MARCHF11: variants seen among roughly 807,000 people sequenced by gnomAD.
MARCHF11 encodes the protein E3 ubiquitin-protein ligase MARCHF11.
In MARCHF11, 29 loss-of-function variants were observed where a neutral mutation model predicts 37.3. The observed-to-expected ratio is 0.78, with a 90% CI of 0.58 to 1.06. The LOEUF (loss-of-function observed/expected upper bound fraction) is 1.06. Among genes scored for constraint, MARCHF11 ranks in the 50% least tolerant of loss-of-function variants. The pLI, the probability that MARCHF11 is intolerant of heterozygous loss-of-function variation, is 0.00. For synonymous variants in MARCHF11, 233 were observed against 228.0 expected (o/e 1.02, Z -0.20); for missense variants, 482 against 533.4 (o/e 0.90, Z 0.95).
chr5:16,123,226 G>C (rs778811807), intron 2 of MARCHF11, among the ~76,000 whole-genome samples: 5 of 152,146 alleles, frequency 3.3e-5, no homozygotes, highest in Non-Finnish European at 7.3e-5. Flanking sequence ...TTTGGAGATA[G>C]GGTGTTTGCA....
At chr5:16,169,032 A>G (rs1241037609) in intron 2 of MARCHF11, among the ~76,000 whole-genome samples, 2 of 152,052 alleles carry the variant, frequency 1.3e-5, no homozygotes, top group Non-Finnish European at 2.9e-5. Flanking sequence ...ATCCCCTCAC[A>G]TTGTGTGAAA....
At chr5:16,088,156 C>T (rs1185591292) in intron 3 of MARCHF11, among the ~76,000 whole-genome samples, 2 of 152,278 alleles carry the variant, frequency 1.3e-5, no homozygotes, top group East Asian at 1.9e-4. Context: ...TTGGCTATTG[C>T]TTCCCCATGA....
Position 16,126,773 on chromosome 5 carries a change from A to C in MARCHF11, c.694-35692T>G, listed in dbSNP as rs549601500. ...TGCTGACATGAAATCAGTTCACCCT[A>C]TGAACTACTCACCATAATAAAATTC... On this transcript the variant is annotated intron_variant, in intron 2 of 3. Coordinates refer to ENST00000332432, the MANE Select transcript of MARCHF11 (RefSeq NM_001102562.3). 1.9e-4 allele frequency among the ~76,000 whole-genome samples: 29 copies of C among 152,326 alleles called. No homozygotes were observed. The South Asian group carries it at 6.0e-3, about 32-fold the overall frequency.
chr5:16,176,867 T>C (rs1337843180), intron 2 of MARCHF11, among the ~76,000 whole-genome samples: 2 of 152,164 alleles, frequency 1.3e-5, no homozygotes, highest in Non-Finnish European at 2.9e-5. Context: ...ATTACTCCTT[T>C]GTCTCTGTTT....
At chr5:16,159,347 C>G (rs1031973493) in intron 2 of MARCHF11, among the ~76,000 whole-genome samples, 1 of 151,946 alleles carries the variant, frequency 6.6e-6, no homozygotes, top group Admixed American at 6.6e-5. Context: ...GCATAGCATT[C>G]CTTCTACCTT....
rs1736913149 is a variant in MARCHF11 at position 16,098,922 on chromosome 5, C to G, written c.694-7841G>C. The stretch of plus-strand genomic sequence containing the variant: ...ACTAATTTTTTAAAAAGATAATCTA[C>G]AAACTGTTGTTAGATAAAATTCAAA... On this transcript the variant is annotated intron_variant, in intron 2 of 3. Coordinates refer to ENST00000332432, the MANE Select transcript of MARCHF11 (RefSeq NM_001102562.3). 2.6e-5 allele frequency among the ~76,000 whole-genome samples: 4 copies of G among 152,014 alleles called. No homozygotes were observed. The South Asian group carries it at 8.3e-4, about 32-fold the overall frequency.
At chr5:16,145,644 G>A (rs1737784461) in intron 2 of MARCHF11, among the ~76,000 whole-genome samples, 1 of 152,112 alleles carries the variant, frequency 6.6e-6, no homozygotes, top group African/African-American at 2.4e-5. Context: ...TAGGACACAT[G>A]TGTTGAAAAG....
chr5:16,109,476 G>A (rs771397292), intron 2 of MARCHF11, among the ~76,000 whole-genome samples: 40 of 152,242 alleles, frequency 2.6e-4, no homozygotes, highest in Non-Finnish European at 5.0e-4. Context: ...GGAGCTGCCC[G>A]GAGGATGGTG....
intron 2 of MARCHF11, among the ~76,000 whole-genome samples, chr5:16,135,237 G>C (rs778686778): frequency 6.6e-6 from 1 of 152,118 alleles, no homozygotes; most frequent in Non-Finnish European, 1.5e-5. Context: ...AGATTCAAAA[G>C]GGGCCCCTGC....
intron 2 of MARCHF11, among the ~76,000 whole-genome samples, chr5:16,136,166 T>C (rs573044786): frequency 6.6e-6 from 1 of 152,124 alleles, no homozygotes; most frequent in African/African-American, 2.4e-5. Flanking sequence ...ATTCTATATA[T>C]GCATAAATGG....
At chr5:16,100,651 G>A (rs1161473226) in intron 2 of MARCHF11, among the ~76,000 whole-genome samples, 7 of 152,242 alleles carry the variant, frequency 4.6e-5, no homozygotes, top group Admixed American at 4.6e-4. Flanking sequence ...ATCAAAGGCT[G>A]CCCTCTACCC....
intron 2 of MARCHF11, among the ~76,000 whole-genome samples, chr5:16,130,541 A>C (rs1737499912): frequency 6.6e-6 from 1 of 152,146 alleles, no homozygotes; most frequent in Non-Finnish European, 1.5e-5. Context: ...AGAGAGGATA[A>C]ACTGTTCTTG....
intron 2 of MARCHF11, among the ~76,000 whole-genome samples, chr5:16,160,264 A>ATATATTTATATTAAATATTTAATATT (rs1738048359): frequency 1.4e-5 from 2 of 146,092 alleles, no homozygotes; most frequent in Middle Eastern, 6.6e-3. Context: ...TTATATTTTA[A>ATATATTTATATTAAATATTTAATATT]TATATTTATA....
intron 3 of MARCHF11, among the ~76,000 whole-genome samples, chr5:16,085,894 C>T (rs776472776): frequency 1.2e-4 from 15 of 121,566 alleles, no homozygotes; most frequent in East Asian, 2.8e-4. Flanking sequence ...GAGCCGAGAT[C>T]GTGCCACTGC....
intron 3 of MARCHF11, among the ~76,000 whole-genome samples, chr5:16,068,983 T>C (rs574767648): frequency 6.6e-6 from 1 of 152,340 alleles, no homozygotes; most frequent in Non-Finnish European, 1.5e-5. Context: ...CCTTTGGGTA[T>C]ATGCCCTAGA....
chr5:16,076,173 T>C (rs1005944354), intron 3 of MARCHF11, among the ~76,000 whole-genome samples: 1 of 152,184 alleles, frequency 6.6e-6, no homozygotes, highest in African/African-American at 2.4e-5. Context: ...TAGATGGGAG[T>C]ATCTCCTGAT....
intron 2 of MARCHF11, among the ~76,000 whole-genome samples, chr5:16,096,002 T>G (rs1030370711): frequency 1.3e-5 from 2 of 152,172 alleles, no homozygotes; most frequent in African/African-American, 2.4e-5. Context: ...GGGATAAAGA[T>G]CCACTCTGGC....
chr5:16,114,587 C>T (rs920659387), intron 2 of MARCHF11, among the ~76,000 whole-genome samples: 8 of 152,026 alleles, frequency 5.3e-5, no homozygotes, highest in Non-Finnish European at 8.8e-5. Flanking sequence ...TAGAATCACT[C>T]GATAGCCCAA....
At chr5:16,130,733 G>A (rs1737502977) in intron 2 of MARCHF11, among the ~76,000 whole-genome samples, 1 of 152,180 alleles carries the variant, frequency 6.6e-6, no homozygotes, top group South Asian at 2.1e-4. Flanking sequence ...TTTTGGGGTA[G>A]AAGACAAATG....
Sources: gnomAD v4.1 joint callset for allele counts (sites outside exome capture counted in the v4.1 genomes callset) on GRCh38, gnomAD v4.1.1 for gene constraint, MANE v1.5 for transcripts, NCBI Gene and HGNC (gene_info 2026-07-23, HGNC 2026-07-21) for gene names.